The following MCM3AP variants were observed in gnomAD, a reference collection of about 807,000 sequenced individuals.
The protein encoded by MCM3AP is minichromosome maintenance complex component 3 associated protein, also known as germinal-center associated nuclear protein.
In MCM3AP, 126 loss-of-function variants were observed where a neutral mutation model predicts 184.1. The ratio of observed to expected loss-of-function variants is 0.68; its 90% confidence interval spans 0.59 to 0.79. The LOEUF (loss-of-function observed/expected upper bound fraction) is 0.79, where lower values mean the gene tolerates loss of function less well. Among genes scored for constraint, MCM3AP ranks in the 30% least tolerant of loss-of-function variants. The pLI is 0.00. For missense variants in MCM3AP, 2,496 were observed against 2,479.2 expected, an observed-to-expected ratio of 1.01 and a Z score of -0.14; for synonymous variants, 1,002 against 979.3, an observed-to-expected ratio of 1.02 and a Z score of -0.43.
Position 46,246,332 on chromosome 21 carries a change from A to G in MCM3AP, c.4622T>C (p.Ile1541Thr). The G allele has an allele frequency of 1.2e-6, 2 of 1,610,498 alleles. No individual in the cohort carries two copies. Among genetic ancestry groups the G allele is most frequent in the Non-Finnish European group, 8.5e-7 (1 of 1,176,600 alleles). The change falls in exon 22 of 28, where the codon ATT (isoleucine) becomes ACT (threonine). Residue 1541 changes from isoleucine (I) to threonine (T), a missense_variant. Physicochemically the swap from Ile to Thr is moderately conservative, Grantham distance 89. Coordinates refer to ENST00000291688, the MANE Select transcript of MCM3AP (RefSeq NM_003906.5). ...DYTVTEIPDT[I>T]NDLQGSTKVL... Reference sequence around the variant, plus strand: ...CTTAGTTGAACCTTGTAGATCATTAATGGTATCAGGGATCTCGGTAACAGT... The same window carrying G: ...CTTAGTTGAACCTTGTAGATCATTAGTGGTATCAGGGATCTCGGTAACAGT...
At chr21:46,257,101 G>A (rs1017988969) in intron 16 of MCM3AP, 115 bp from the exon 17 acceptor site, 1 of 1,388,192 alleles carries the variant, frequency 7.2e-7, no homozygotes, top group Non-Finnish European at 9.7e-7. Flanking sequence ...AGTGTGGTGA[G>A]CAATGAAACT....
rs1733630829 is a variant in MCM3AP, at chr21:46,246,626, A to AC, written c.4549+1dup. On this transcript the variant is annotated splice_donor_variant, in intron 21 of 27. Coordinates refer to ENST00000291688, the MANE Select transcript of MCM3AP (RefSeq NM_003906.5). LOFTEE classifies it high-confidence loss of function. ...TTCATAAACGAGACTTCCTTCACAA[A>AC]CCATCTTCTACTTCCTTCTCAACGG... is the stretch of plus-strand genomic sequence containing the variant. 6.2e-7 allele frequency: 1 copy of AC among 1,607,736 alleles called. No homozygotes were observed. The highest frequency in any genetic ancestry group is 1.3e-5 in the African/African-American group (1 of 74,774).
chr21:46,283,506 T>G (rs1336695565), intron 2 of MCM3AP, 109 bp downstream of exon 2: 6 of 681,040 alleles, frequency 8.8e-6, no homozygotes, highest in Non-Finnish European at 1.5e-5. Flanking sequence ...TTTGAGTACT[T>G]TCTCTATATT....
rs17182913 is a variant in MCM3AP at position 46,262,521 on chromosome 21, G to A, written c.3336-1110C>T. On this transcript the variant is annotated intron_variant, in intron 13 of 27. Coordinates refer to ENST00000291688, the MANE Select transcript of MCM3AP (RefSeq NM_003906.5). ...AAATTAGCCGGGTATGGTAGCATGC[G>A]CCTGTGGTCCTAGCTACTTGGGAGG... is the stretch of plus-strand genomic sequence containing the variant. Among the ~76,000 whole-genome samples, 48 of 152,152 alleles carry A rather than the reference G, an allele frequency of 3.2e-4. No individual in the cohort carries two copies. The East Asian group carries it at 7.6e-3, about 24-fold the overall frequency.
chr21:46,236,742 G>A (rs1001582608), intron 27 of MCM3AP, 87 bp downstream of exon 27: 27 of 907,868 alleles, frequency 3.0e-5, no homozygotes, highest in Non-Finnish European at 4.5e-5. Flanking sequence ...AAACATCATA[G>A]GATAAATCGT....
At chr21:46,261,259 G>T (rs1174183778) in intron 14 of MCM3AP, 21 bp downstream of exon 14, 6 of 1,613,028 alleles carry the variant, frequency 3.7e-6, no homozygotes, top group Non-Finnish European at 5.1e-6. Flanking sequence ...TTATTCGGCT[G>T]CATGGACAAG....
chr21:46,239,833 G>C (rs1265638681), intron 26 of MCM3AP, among the ~76,000 whole-genome samples: 1 of 152,068 alleles, frequency 6.6e-6, no homozygotes, highest in Non-Finnish European at 1.5e-5. Context: ...GGAGGAACCA[G>C]CAGGGCAGGA....
intron 26 of MCM3AP, among the ~76,000 whole-genome samples, chr21:46,240,210 A>G (rs752584710): frequency 2.0e-5 from 3 of 152,108 alleles, no homozygotes; most frequent in Non-Finnish European, 2.9e-5. Flanking sequence ...TACGAGCTGC[A>G]TGGTTCGTTT....
chr21:46,260,721 G>T, intron 15 of MCM3AP, 72 bp downstream of exon 15: 1 of 1,075,116 alleles, frequency 9.3e-7, no homozygotes. Flanking sequence ...ATCCTCAGTG[G>T]TGCAAGACAC....
At chr21:46,264,366 G>A in intron 12 of MCM3AP, 149 bp from the exon 13 acceptor site, 1 of 597,190 alleles carries the variant, frequency 1.7e-6, no homozygotes, top group Non-Finnish European at 3.0e-6. Context: ...CAGGAAAGGT[G>A]TCCCCTAGCG....
At chr21:46,255,769 G>A (rs2080941482) in intron 17 of MCM3AP, among the ~76,000 whole-genome samples, 1 of 151,966 alleles carries the variant, frequency 6.6e-6, no homozygotes, top group Non-Finnish European at 1.5e-5. Context: ...AGGGCAGAGG[G>A]CAGAGGTCTG....
In MCM3AP at chr21:46,260,970, T is replaced by C. The variant is rs1254398029; in HGVS notation, c.3468-64A>G. The C allele has an allele frequency of 1.1e-5, 14 of 1,317,370 alleles. No individual in the cohort carries two copies. In the Admixed American group the frequency reaches 2.1e-4, roughly 19 times the overall value. The allele number at this position is 1,317,370 out of a possible 1,614,324, so 81.6% of individuals were successfully genotyped here. ...AGAATAAAAATAAGTGCTGTTTGTT[T>C]TACTCCCTGGCCACGCAGACAGGGA... On this transcript the variant is annotated intron_variant, in intron 14 of 27. Transcript: ENST00000291688.
chr21:46,285,749 G>A (rs1157865833), upstream of MCM3AP: 2 of 156,858 alleles, frequency 1.3e-5, no homozygotes, highest in Non-Finnish European at 2.8e-5. Flanking sequence ...CTCTACAGCC[G>A]GAGAATTCAC....
At chr21:46,278,804 G>A (rs1287608199) in intron 4 of MCM3AP, among the ~76,000 whole-genome samples, 1 of 151,874 alleles carries the variant, frequency 6.6e-6, no homozygotes, top group Non-Finnish European at 1.5e-5. Flanking sequence ...CTCACAAGTA[G>A]CTGGGACTAC....
In MCM3AP at chr21:46,275,170, A is replaced by T. The variant is rs769912334; in HGVS notation, c.1998+16T>A. 64 of 1,606,806 alleles carry T rather than the reference A, an allele frequency of 4.0e-5. No homozygotes were observed. The Middle Eastern group carries it at 5.0e-4, about 12-fold the overall frequency. The stretch of plus-strand genomic sequence containing the variant: ...CGTCCCCTGCCCACACTCCACGGGG[A>T]GATGCAGGGCTCTACCTGGTCAGTC... On this transcript the variant is annotated intron_variant, in intron 6 of 27. Transcript: ENST00000291688.
At position 46,284,472 on chromosome 21, in the gene MCM3AP, T is replaced by C. The variant is rs757649348; in HGVS notation, c.815A>G (p.Gln272Arg). Residue 272 changes from glutamine to arginine, a missense_variant, in exon 1 of 28, where the codon CAG becomes CGG. This residue lies in a region of MCM3AP where 800 missense variants were observed against 717.1 expected (regional missense o/e 1.12). Coordinates refer to ENST00000291688, the MANE Select transcript of MCM3AP (RefSeq NM_003906.5). ...PFQASKAGVR[Q>R]GCEEAVSQVE... ...CTGGGAAACAGCTTCTTCACACCCC[T>C]GCCTGACACCTGCTTTGCTAGCCTG... 5 of 1,614,166 alleles carry C rather than the reference T, an allele frequency of 3.1e-6. No individual in the cohort carries two copies. The highest frequency in any genetic ancestry group is 2.2e-5 in the South Asian group (2 of 91,084).
At chr21:46,259,318 T>A in intron 15 of MCM3AP, 1 of 336,998 alleles carries the variant, frequency 3.0e-6, no homozygotes, top group Non-Finnish European at 5.4e-6. Flanking sequence ...TAGCCTGGTG[T>A]GGTGGCGGGC....
intron 13 of MCM3AP, among the ~76,000 whole-genome samples, chr21:46,262,965 C>CAAA (rs34666984): frequency 1.8e-3 from 80 of 45,672 alleles, no homozygotes; most frequent in Middle Eastern, 0.025. Flanking sequence ...GACTCCGTCT[C>CAAA]AAAAAAAAAA....
chr21:46,257,922 C>T (rs1363211258), intron 16 of MCM3AP, among the ~76,000 whole-genome samples: 2 of 100,586 alleles, frequency 2.0e-5, no homozygotes, highest in Non-Finnish European at 2.0e-5. Context: ...GAGACTCCAT[C>T]TCAAAAAAAA....
Sources: gnomAD v4.1 joint callset for allele counts (sites outside exome capture counted in the v4.1 genomes callset) on GRCh38, gnomAD v4.1.1 for gene constraint, gnomAD v4.1.1 regional missense constraint, MANE v1.5 for transcripts, NCBI Gene and HGNC (gene_info 2026-07-23, HGNC 2026-07-21) for gene names.